ZNF385D: variants seen among roughly 807,000 people sequenced by gnomAD.
The protein encoded by ZNF385D is zinc finger protein 659.
ZNF385D carries 15 observed loss-of-function variants against 35.8 expected under a neutral mutation model. That is an observed-to-expected ratio of 0.42 (90% CI 0.28 to 0.64). ZNF385D has a LOEUF of 0.64. Among genes scored for constraint, ZNF385D ranks in the 30% least tolerant of loss-of-function variants. ZNF385D has a pLI of 0.23. For missense variants in ZNF385D, 474 were observed against 494.6 expected (o/e 0.96, Z 0.39); for synonymous variants, 212 against 186.8 (o/e 1.13, Z -1.10).
At chr3:22,256,784 C>T (rs898167648) in intron 2 of ZNF385D, among the ~76,000 whole-genome samples, 10 of 151,874 alleles carry the variant, frequency 6.6e-5, no homozygotes, top group African/African-American at 2.4e-4. Context: ...GTGCTTGTTG[C>T]TATCACCATT....
intron 3 of ZNF385D, among the ~76,000 whole-genome samples, chr3:22,057,971 T>C (rs1172469499): frequency 6.6e-6 from 1 of 152,212 alleles, no homozygotes; most frequent in South Asian, 2.1e-4. Context: ...TTCTTGTTTA[T>C]CTCAATCAAA....
intron 1 of ZNF385D, among the ~76,000 whole-genome samples, chr3:21,700,153 A>G (rs2067625599): frequency 6.6e-6 from 1 of 151,942 alleles, no homozygotes; most frequent in South Asian, 2.1e-4. Flanking sequence ...TTATGTTTCT[A>G]TCAGGTAGCG....
rs548437491 is a variant in ZNF385D, at chr3:21,913,600, C to T, written c.326-248572G>A. 5.9e-5 allele frequency among the ~76,000 whole-genome samples: 9 copies of T among 152,212 alleles called. No individual in the cohort carries two copies. The East Asian group carries it at 1.7e-3, about 29-fold the overall frequency. On this transcript the variant is annotated intron_variant, in intron 3 of 5. Transcript: ENST00000494108. The stretch of plus-strand genomic sequence containing the variant: ...TTTGTTTATCTCTGGGAAGCTGCTA[C>T]ATCAAAAGCCTTGTCTTTATTAAAA...
chr3:22,179,228 T>G (rs935070452), intron 2 of ZNF385D, among the ~76,000 whole-genome samples: 3 of 152,210 alleles, frequency 2.0e-5, no homozygotes, highest in Admixed American at 1.3e-4. Context: ...CATGGAATGG[T>G]CTTCCATTTG....
At chr3:21,574,342 AATAAATGACAAGGTTTCCTGAACAT>A (rs1383685260) in intron 2 of ZNF385D, among the ~76,000 whole-genome samples, 11 of 152,058 alleles carry the variant, frequency 7.2e-5, no homozygotes, top group African/African-American at 2.7e-4. Flanking sequence ...AAAACTACAA[AATAAATGACAAGGTTTCCTGAACAT>A]ATAAATGGCT....
At chr3:22,023,074 C>A (rs1278692789) in intron 3 of ZNF385D, among the ~76,000 whole-genome samples, 3 of 152,148 alleles carry the variant, frequency 2.0e-5, no homozygotes, top group African/African-American at 7.2e-5. Context: ...AGTGTTTCCT[C>A]CCTCCCTGAG....
intron 4 of ZNF385D, chr3:21,459,308 A>G (rs560270447): frequency 5.9e-5 from 9 of 152,170 alleles, no homozygotes; most frequent in Non-Finnish European, 1.3e-4. Flanking sequence ...TTATGTTACT[A>G]TAATTATTTT....
At chr3:21,585,197 G>A (rs1278524964) in intron 2 of ZNF385D, among the ~76,000 whole-genome samples, 1 of 152,106 alleles carries the variant, frequency 6.6e-6, no homozygotes, top group Non-Finnish European at 1.5e-5. Flanking sequence ...GATTATTGTT[G>A]CTCATATTTG....
chr3:21,820,235 G>A (rs2176081), intron 3 of ZNF385D, among the ~76,000 whole-genome samples: 107,135 of 151,536 alleles, frequency 0.71, 38,100 homozygotes, highest in East Asian at 0.82. Context: ...GTCTCAATAC[G>A]TTTCAGAGAA....
chr3:21,442,521 A>C (rs530938101), intron 4 of ZNF385D, among the ~76,000 whole-genome samples: 1 of 152,282 alleles, frequency 6.6e-6, no homozygotes, highest in East Asian at 1.9e-4. Flanking sequence ...ACAAACCACC[A>C]GTCTTTAGAA....
At chr3:22,283,772 T>C (rs1344670644) in intron 2 of ZNF385D, among the ~76,000 whole-genome samples, 1 of 152,136 alleles carries the variant, frequency 6.6e-6, no homozygotes, top group East Asian at 1.9e-4. Flanking sequence ...CCCAATACAT[T>C]TTAGCTATCA....
intron 3 of ZNF385D, among the ~76,000 whole-genome samples, chr3:21,829,708 A>G (rs1204304994): frequency 6.6e-6 from 1 of 152,032 alleles, no homozygotes; most frequent in Non-Finnish European, 1.5e-5. Context: ...GGTGTCATGA[A>G]TTAGGCTTTC....
chr3:21,753,240 A>T (rs138978150), upstream of ZNF385D, among the ~76,000 whole-genome samples: 2,380 of 152,346 alleles, frequency 0.016, 27 homozygotes, highest in Non-Finnish European at 0.024. Flanking sequence ...TAATGATGTG[A>T]TGAGTAAGAA....
At chr3:21,611,795 A>G (rs2064687817) in intron 2 of ZNF385D, among the ~76,000 whole-genome samples, 1 of 152,134 alleles carries the variant, frequency 6.6e-6, no homozygotes, top group Non-Finnish European at 1.5e-5. Context: ...GGAAGATAAA[A>G]GTACCTGAAG....
chr3:22,269,401 A>G (rs1182628090), intron 2 of ZNF385D, among the ~76,000 whole-genome samples: 3 of 151,950 alleles, frequency 2.0e-5, no homozygotes, highest in Non-Finnish European at 4.4e-5. Flanking sequence ...AGCTGCTAAA[A>G]TAGGCACTTT....
At chr3:21,713,988 A>C (rs2068217657) in intron 1 of ZNF385D, among the ~76,000 whole-genome samples, 1 of 152,108 alleles carries the variant, frequency 6.6e-6, no homozygotes, top group African/African-American at 2.4e-5. Flanking sequence ...ACCCAGCTTA[A>C]GCCTTTGGTC....
At chr3:21,730,296 T>C (rs2068936615) in intron 1 of ZNF385D, among the ~76,000 whole-genome samples, 1 of 152,202 alleles carries the variant, frequency 6.6e-6, no homozygotes, top group Admixed American at 6.5e-5. Context: ...TGACCTGGAA[T>C]CTGAAACAGT....
chr3:22,011,677 A>G (rs1164746424), intron 3 of ZNF385D, among the ~76,000 whole-genome samples: 1 of 152,120 alleles, frequency 6.6e-6, no homozygotes, highest in Non-Finnish European at 1.5e-5. Context: ...GATATAATAA[A>G]AGCTATAATT....
At chr3:21,448,740 C>G (rs1575164190) in intron 4 of ZNF385D, among the ~76,000 whole-genome samples, 1 of 152,272 alleles carries the variant, frequency 6.6e-6, no homozygotes, top group Non-Finnish European at 1.5e-5. Context: ...GATTCCCTTT[C>G]TATCTCCAGA....
Sources: gnomAD v4.1 joint callset for allele counts (sites outside exome capture counted in the v4.1 genomes callset) on GRCh38, gnomAD v4.1.1 for gene constraint, MANE v1.5 for transcripts, NCBI Gene and HGNC (gene_info 2026-07-23, HGNC 2026-07-21) for gene names.